JAKMIP2: variants seen among roughly 807,000 people sequenced by gnomAD.
JAKMIP2 encodes the protein janus kinase and microtubule-interacting protein 2.
JAKMIP2 carries 25 observed loss-of-function variants against 115.0 expected under a neutral mutation model. The ratio of observed to expected loss-of-function variants is 0.22; its 90% confidence interval spans 0.16 to 0.30. JAKMIP2 has a LOEUF of 0.30. Among genes scored for constraint, JAKMIP2 ranks in the 10% least tolerant of loss-of-function variants. The pLI, the probability that JAKMIP2 is intolerant of heterozygous loss-of-function variation, is 1.00. For synonymous variants in JAKMIP2, 334 were observed against 343.6 expected (o/e 0.97, Z 0.31); for missense variants, 642 against 957.6 (o/e 0.67, Z 4.35).
At chr5:147,658,427 C>T (rs535318403) in intron 3 of JAKMIP2, among the ~76,000 whole-genome samples, 66 of 152,290 alleles carry the variant, frequency 4.3e-4, no homozygotes, top group Non-Finnish European at 8.7e-4. Context: ...AGCCAGAGCT[C>T]TCCTGTATGA....
intron 20 of JAKMIP2, among the ~76,000 whole-genome samples, chr5:147,608,996 C>T (rs951339002): frequency 3.2e-5 from 1 of 31,182 alleles, no homozygotes; most frequent in African/African-American, 6.6e-5. Context: ...AGAATTGCAA[C>T]CCCAGCTTTT....
At chr5:147,647,329 G>C (rs1400642011) in intron 5 of JAKMIP2, among the ~76,000 whole-genome samples, 4 of 152,042 alleles carry the variant, frequency 2.6e-5, no homozygotes, top group Non-Finnish European at 4.4e-5. Context: ...GCAAGGCTTA[G>C]AGGGTCAATT....
In JAKMIP2 at chr5:147,782,570, T is replaced by C. The variant is rs79156986; in HGVS notation, c.-263A>G. 9.4e-7 allele frequency: 1 copy of C among 1,060,860 alleles called. No individual in the cohort carries two copies. Among genetic ancestry groups the C allele is most frequent in the African/African-American group, 1.6e-5 (1 of 62,090 alleles). The allele number at this position is 1,060,860 out of a possible 1,614,324, so 65.7% of individuals were successfully genotyped here. On this transcript the variant is annotated 5_prime_UTR_variant, in exon 1 of 22. Coordinates refer to ENST00000616793, the MANE Select transcript of JAKMIP2 (RefSeq NM_001270941.2). Reference sequence around the variant, plus strand: ...ACCCAACATCAGCAGTGGCTGCCGGTTTTTTTTTTCCCTCTGTCTCTGGTT... The same window carrying C: ...ACCCAACATCAGCAGTGGCTGCCGGCTTTTTTTTTCCCTCTGTCTCTGGTT...
intron 20 of JAKMIP2, 81 bp from the exon 21 acceptor site, chr5:147,601,892 A>G: frequency 1.5e-6 from 1 of 662,514 alleles, no homozygotes; most frequent in Non-Finnish European, 2.6e-6. Flanking sequence ...CAGCTTTTCC[A>G]TATTGCTCAA....
chr5:147,591,907 CAATT>C (rs1431318803), intron 21 of JAKMIP2, among the ~76,000 whole-genome samples: 8 of 152,084 alleles, frequency 5.3e-5, no homozygotes, highest in African/African-American at 1.7e-4. Context: ...GCATATAAAA[CAATT>C]AATGGTTCTT....
intron 21 of JAKMIP2, among the ~76,000 whole-genome samples, chr5:147,598,878 C>T (rs1755547509): frequency 6.6e-6 from 1 of 152,140 alleles, no homozygotes; most frequent in Non-Finnish European, 1.5e-5. Flanking sequence ...CTTTCACTAC[C>T]TACCAATAAA....
intron 8 of JAKMIP2, 96 bp from the exon 9 acceptor site, chr5:147,640,919 T>C: frequency 4.8e-6 from 5 of 1,046,116 alleles, no homozygotes; most frequent in African/African-American, 1.6e-5. Flanking sequence ...TAAGTGAATA[T>C]AGAAGACATG....
rs184993669 is a variant in JAKMIP2, at chr5:147,588,272, T to G, written c.*3435A>C. The G allele has an allele frequency of 6.6e-6, 1 of 152,298 alleles. No homozygotes were observed. The highest frequency in any genetic ancestry group is 6.5e-5 in the Admixed American group (1 of 15,286). The allele number at this position is 152,298 out of a possible 1,614,324, so 9.4% of individuals were successfully genotyped here. A position where few individuals can be genotyped will look rare whatever the true frequency, so the allele number is the denominator to read the frequency against. ...TCAGTTATGTTTATTTTCCAGGGTATGAATATTTTATTGAGAAAAATTAAG... is the reference window on the plus strand; with the variant it reads ...TCAGTTATGTTTATTTTCCAGGGTAGGAATATTTTATTGAGAAAAATTAAG... On this transcript the variant is annotated 3_prime_UTR_variant, in exon 22 of 22. Transcript: ENST00000616793.
intron 1 of JAKMIP2, among the ~76,000 whole-genome samples, chr5:147,673,373 C>T (rs1160762920): frequency 6.6e-6 from 1 of 152,194 alleles, no homozygotes; most frequent in Non-Finnish European, 1.5e-5. Flanking sequence ...CTAAGGGGAA[C>T]TCCTGCTGAC....
intron 1 of JAKMIP2, among the ~76,000 whole-genome samples, chr5:147,732,695 C>A (rs1250546716): frequency 6.6e-6 from 1 of 152,156 alleles, no homozygotes; most frequent in Non-Finnish European, 1.5e-5. Flanking sequence ...CCTCACAAAA[C>A]CCCACAATGT....
rs377367352 is a variant in JAKMIP2 at position 147,585,791 on chromosome 5, C to T, written c.*5916G>A. 2.6e-5 allele frequency: 4 copies of T among 152,176 alleles called. No individual in the cohort carries two copies. Among genetic ancestry groups the T allele is most frequent in the African/African-American group, 9.6e-5 (4 of 41,510 alleles). 9.4% of individuals were successfully genotyped at this position (152,176 alleles called of 1,614,324 possible). A position where few individuals can be genotyped will look rare whatever the true frequency, so the allele number is the denominator to read the frequency against. On this transcript the variant is annotated 3_prime_UTR_variant, in exon 22 of 22. Transcript: ENST00000616793. ...TTGGCTACATTAACACAGTAAACAC[C>T]TGGGGAATTATGTATTCAAACACAT...
chr5:147,763,176 G>A (rs1754992905), intron 1 of JAKMIP2, among the ~76,000 whole-genome samples: 1 of 152,080 alleles, frequency 6.6e-6, no homozygotes, highest in Non-Finnish European at 1.5e-5. Flanking sequence ...TGGGGGAGTA[G>A]AGGAGAAATT....
rs1391060964 is a variant in JAKMIP2 at position 147,589,697 on chromosome 5, T to A, written c.*2010A>T. ...GAAATGACACACTCTTCTATCTTGT[T>A]CAATAGCATGAGATGATCTATTTCC... On this transcript the variant is annotated 3_prime_UTR_variant, in exon 22 of 22. Transcript: ENST00000616793. The A allele has an allele frequency of 6.6e-6, 1 of 152,314 alleles. No individual in the cohort carries two copies. The highest frequency in any genetic ancestry group is 2.1e-4 in the South Asian group (1 of 4,826). The allele number at this position is 152,314 out of a possible 1,614,324, so 9.4% of individuals were successfully genotyped here. A position where few individuals can be genotyped will look rare whatever the true frequency, so the allele number is the denominator to read the frequency against.
intron 1 of JAKMIP2, among the ~76,000 whole-genome samples, chr5:147,711,042 G>A (rs1280625690): frequency 6.6e-6 from 1 of 152,158 alleles, no homozygotes; most frequent in Non-Finnish European, 1.5e-5. Flanking sequence ...AACATGTTAA[G>A]TGCAGTAGTC....
At chr5:147,703,592 C>CTTTTTTTT (rs543400413) in intron 1 of JAKMIP2, among the ~76,000 whole-genome samples, 1 of 139,564 alleles carries the variant, frequency 7.2e-6, no homozygotes, top group Non-Finnish European at 1.6e-5. Context: ...CGTACTGTAA[C>CTTTTTTTT]TTTTTTTTTT....
At chr5:147,628,009 C>CT (rs58358473) in intron 16 of JAKMIP2, among the ~76,000 whole-genome samples, 2,979 of 141,326 alleles carry the variant, frequency 0.021, 101 homozygotes, top group African/African-American at 0.069. Context: ...TTTACTGGTA[C>CT]TTTTTTTTTT....
intron 1 of JAKMIP2, among the ~76,000 whole-genome samples, chr5:147,707,981 T>C (rs1035222397): frequency 2.0e-5 from 3 of 152,136 alleles, no homozygotes; most frequent in African/African-American, 7.2e-5. Context: ...TGCCCAAAGA[T>C]TGTGAGAGAA....
At chr5:147,621,698 ATTGGAGCC>A (rs1756855397) in intron 17 of JAKMIP2, among the ~76,000 whole-genome samples, 1 of 152,208 alleles carries the variant, frequency 6.6e-6, no homozygotes, top group Admixed American at 6.5e-5. Context: ...ATGCTTTGAC[ATTGGAGCC>A]TAACCTCTTA....
chr5:147,595,168 T>C (rs1755304653), intron 21 of JAKMIP2, among the ~76,000 whole-genome samples: 2 of 152,128 alleles, frequency 1.3e-5, no homozygotes, highest in Admixed American at 1.3e-4. Flanking sequence ...CTCAGAAAAA[T>C]AATGGGTGCT....
Sources: gnomAD v4.1 joint callset for allele counts (sites outside exome capture counted in the v4.1 genomes callset) on GRCh38, gnomAD v4.1.1 for gene constraint, MANE v1.5 for transcripts, NCBI Gene and HGNC (gene_info 2026-07-23, HGNC 2026-07-21) for gene names.